Variants in TMEM132C observed in about 807,000 individuals in gnomAD.
TMEM132C encodes transmembrane protein 132C.
A neutral mutation model predicts 61.4 loss-of-function variants in TMEM132C; 29 were observed. The ratio of observed to expected loss-of-function variants is 0.47; its 90% CI spans 0.35 to 0.64. TMEM132C has a LOEUF of 0.64. TMEM132C is among the 30% of genes least tolerant of loss of function. The probability of loss-of-function intolerance (pLI) is 0.00; values close to 1 mark genes in which losing one functional copy is unlikely to be tolerated. For synonymous variants in TMEM132C, 656 were observed against 633.1 expected, an observed-to-expected ratio of 1.04 and a Z score of -0.54; for missense variants, 1,408 against 1,476.9, an observed-to-expected ratio of 0.95 and a Z score of 0.76.
At chr12:128,577,114 A>C (rs1875139894) in intron 3 of TMEM132C, among the ~76,000 whole-genome samples, 1 of 152,090 alleles carries the variant, frequency 6.6e-6, no homozygotes, top group African/African-American at 2.4e-5. Context: ...ATCAACCACT[A>C]ATCTGCTCTC....
intron 1 of TMEM132C, among the ~76,000 whole-genome samples, chr12:128,386,069 C>T (rs1376416183): frequency 2.0e-5 from 3 of 152,114 alleles, no homozygotes; most frequent in Admixed American, 6.5e-5. Context: ...CACACTTAGA[C>T]CTAGAAGACA....
chr12:128,439,581 G>T (rs1432754979), intron 2 of TMEM132C, among the ~76,000 whole-genome samples: 2 of 152,134 alleles, frequency 1.3e-5, no homozygotes, highest in Non-Finnish European at 2.9e-5. Context: ...TATATCTTAG[G>T]AACTTCCAGA....
At chr12:128,639,898 T>A (rs897094843) in intron 4 of TMEM132C, among the ~76,000 whole-genome samples, 3 of 152,248 alleles carry the variant, frequency 2.0e-5, no homozygotes, top group African/African-American at 7.2e-5. Flanking sequence ...AAGTGAAGAC[T>A]GTTACATGGA....
intron 2 of TMEM132C, among the ~76,000 whole-genome samples, chr12:128,422,465 C>T (rs540489958): frequency 2.6e-5 from 4 of 152,294 alleles, no homozygotes; most frequent in Admixed American, 2.6e-4. Context: ...AATAAGCCCA[C>T]TTAATTGAAC....
intron 2 of TMEM132C, among the ~76,000 whole-genome samples, chr12:128,446,063 GAGAC>G (rs1326250196): frequency 6.6e-6 from 1 of 152,192 alleles, no homozygotes; most frequent in Non-Finnish European, 1.5e-5. Context: ...GGGATGGTGT[GAGAC>G]TTGTCAGTAT....
intron 1 of TMEM132C, among the ~76,000 whole-genome samples, chr12:128,409,874 C>T (rs1378781230): frequency 6.6e-6 from 1 of 152,258 alleles, no homozygotes; most frequent in South Asian, 2.1e-4. Context: ...TGAACACTTT[C>T]TCCCCGGCTA....
chr12:128,504,436 C>T (rs1872287224), intron 2 of TMEM132C, among the ~76,000 whole-genome samples: 1 of 152,124 alleles, frequency 6.6e-6, no homozygotes, highest in African/African-American at 2.4e-5. Context: ...ATACAGTTTG[C>T]TGCAATATCT....
intron 1 of TMEM132C, among the ~76,000 whole-genome samples, chr12:128,327,335 T>A (rs1872552724): frequency 6.7e-6 from 1 of 149,564 alleles, no homozygotes; most frequent in Non-Finnish European, 1.5e-5. Flanking sequence ...TGAGAACGTG[T>A]GCCCCAGGTG....
At chr12:128,452,530 A>G (rs140343210) in intron 2 of TMEM132C, among the ~76,000 whole-genome samples, 2,391 of 150,272 alleles carry the variant, frequency 0.016, 45 homozygotes, top group African/African-American at 0.056. Context: ...TAAAAATACA[A>G]AAATTAGCCA....
At chr12:128,559,184 C>CAG (rs1874432033) in intron 3 of TMEM132C, among the ~76,000 whole-genome samples, 4 of 151,968 alleles carry the variant, frequency 2.6e-5, no homozygotes, top group African/African-American at 7.3e-5. Flanking sequence ...CACAGACACA[C>CAG]ACACACACAC....
intron 3 of TMEM132C, 96 bp from the exon 4 acceptor site, chr12:128,616,056 G>A: frequency 1.4e-6 from 2 of 1,398,312 alleles, no homozygotes; most frequent in South Asian, 1.5e-5. Flanking sequence ...TCCCTGAGAT[G>A]TGTTTCTTTG....
intron 2 of TMEM132C, among the ~76,000 whole-genome samples, chr12:128,512,161 T>C (rs964468195): frequency 1.3e-5 from 2 of 151,946 alleles, no homozygotes; most frequent in Non-Finnish European, 2.9e-5. Context: ...TCATAACAAT[T>C]AAAAAGATAG....
At chr12:128,408,932 C>T (rs1868416317) in intron 1 of TMEM132C, among the ~76,000 whole-genome samples, 1 of 152,150 alleles carries the variant, frequency 6.6e-6, no homozygotes, top group Admixed American at 6.5e-5. Context: ...CAGGCTGCCC[C>T]ATATGCTGGC....
intron 1 of TMEM132C, among the ~76,000 whole-genome samples, chr12:128,368,251 C>T (rs1873928080): frequency 6.6e-6 from 1 of 152,348 alleles, no homozygotes; most frequent in Admixed American, 6.5e-5. Context: ...GTCCCCGCTG[C>T]TCTGCTTTAC....
intron 4 of TMEM132C, among the ~76,000 whole-genome samples, chr12:128,644,801 G>A (rs1443390203): frequency 1.3e-5 from 2 of 152,166 alleles, no homozygotes; most frequent in Non-Finnish European, 2.9e-5. Flanking sequence ...AGTAAAGTCC[G>A]TTTTCCTCTG....
intron 2 of TMEM132C, among the ~76,000 whole-genome samples, chr12:128,491,765 C>G (rs1245598538): frequency 6.6e-6 from 1 of 152,000 alleles, no homozygotes; most frequent in Non-Finnish European, 1.5e-5. Flanking sequence ...TGCACCAGTT[C>G]CCAACTTCAG....
intron 2 of TMEM132C, among the ~76,000 whole-genome samples, chr12:128,421,549 A>C (rs1054148938): frequency 1.3e-5 from 2 of 152,252 alleles, no homozygotes; most frequent in South Asian, 4.1e-4. Context: ...GACTAATAAC[A>C]TACATGGAAA....
At chr12:128,674,012 C>A (rs969561558) in intron 5 of TMEM132C, among the ~76,000 whole-genome samples, 2 of 152,210 alleles carry the variant, frequency 1.3e-5, no homozygotes, top group African/African-American at 2.4e-5. Context: ...GAATTGGATG[C>A]AACTCACTTC....
intron 1 of TMEM132C, among the ~76,000 whole-genome samples, chr12:128,358,810 G>C (rs546802392): frequency 6.6e-6 from 1 of 152,106 alleles, no homozygotes; most frequent in Non-Finnish European, 1.5e-5. Context: ...GCGCACACAG[G>C]CTTCCAAGAT....
Sources: allele counts gnomAD v4.1 joint callset (sites outside exome capture counted in the v4.1 genomes callset), GRCh38; gene constraint gnomAD v4.1.1; transcripts MANE v1.5; gene names NCBI Gene and HGNC (gene_info 2026-07-23, HGNC 2026-07-21).